Variants in ZNF217 observed in about 807,000 individuals in gnomAD.
ZNF217 encodes zinc finger protein 217.
ZNF217 carries 12 observed loss-of-function variants against 73.3 expected under a neutral mutation model. The observed-to-expected ratio is 0.16, with a 90% CI of 0.10 to 0.27. The LOEUF (loss-of-function observed/expected upper bound fraction) is 0.27. Among genes scored for constraint, ZNF217 ranks in the 10% least tolerant of loss-of-function variants. ZNF217 has a pLI of 1.00. For missense variants in ZNF217, 1,195 were observed against 1,327.8 expected (o/e 0.90, Z 1.55); for synonymous variants, 588 against 516.4 (o/e 1.14, Z -1.88).
intron 1 of ZNF217, among the ~76,000 whole-genome samples, chr20:53,586,026 C>A (rs1988680764): frequency 6.6e-6 from 1 of 151,812 alleles, no homozygotes; most frequent in South Asian, 2.1e-4. Context: ...GCACACCCTA[C>A]CCCCCCAAAG....
In ZNF217 at chr20:53,582,414, C is replaced by G. The variant is rs1988544588; in HGVS notation, c.413G>C (p.Arg138Thr). The stretch of plus-strand genomic sequence containing the variant: ...GTGGATCTCAACATCAAAAGCGACT[C>G]TAAATGTCTGCCCACATACCTCACA... Reference protein sequence around the residue: ...FSCEVCGQTFRVAFDVEIHMR... With the variant: ...FSCEVCGQTFTVAFDVEIHMR... Residue 138 changes from arginine to threonine, a missense_variant, in exon 2 of 6, where the codon AGA becomes ACA. Coordinates refer to ENST00000371471, the MANE Select transcript of ZNF217 (RefSeq NM_006526.3). The surrounding 1 kb of genome is among the most constrained non-coding windows in gnomAD (Gnocchi z 4.8). 1 of 1,614,178 alleles carries G rather than the reference C, an allele frequency of 6.2e-7. No homozygotes were observed. The highest frequency in any genetic ancestry group is 1.3e-5 in the African/African-American group (1 of 75,042).
At position 53,581,859 on chromosome 20, in the gene ZNF217, T is replaced by C; in HGVS notation, c.968A>G (p.Asp323Gly). The C allele has an allele frequency of 1.2e-6, 2 of 1,614,266 alleles. No individual in the cohort carries two copies. Among genetic ancestry groups the C allele is most frequent in the Non-Finnish European group, 1.7e-6 (2 of 1,180,044 alleles). ...CTTCTCGGAACTCGAATCGTCGTTG[T>C]CGGTGCTCCCTTCTTGCCCCGATTC... ...VKESGQEGSTDNDDSSSEKEL... is the reference protein window; with the variant it reads ...VKESGQEGSTGNDDSSSEKEL... The change falls in exon 2 of 6, where the codon GAC becomes GGC. Residue 323 changes from aspartate to glycine, a missense_variant. Physicochemically the swap from Asp to Gly is moderately conservative, Grantham distance 94. Around this residue, in one of 9 missense-constraint regions of ZNF217, gnomAD observed 102 missense variants for 91.9 expected, o/e 1.11. Transcript: ENST00000371471. The surrounding 1 kb of genome is among the most constrained non-coding windows in gnomAD (Gnocchi z 4.9).
At chr20:53,570,682 T>C (rs980723727) in intron 5 of ZNF217, among the ~76,000 whole-genome samples, 1 of 152,204 alleles carries the variant, frequency 6.6e-6, no homozygotes, top group Non-Finnish European at 1.5e-5. Flanking sequence ...CAGTGAGACC[T>C]TTAACATGTG....
intron 4 of ZNF217, chr20:53,575,168 T>G (rs1988200406): frequency 1.3e-5 from 2 of 152,094 alleles, no homozygotes; most frequent in African/African-American, 4.8e-5. Flanking sequence ...ACAAAGCAAA[T>G]CCCTGTCTCT....
chr20:53,577,387 C>T (rs573644328), intron 3 of ZNF217, 107 bp from the exon 4 acceptor site: 2 of 976,384 alleles, frequency 2.0e-6, no homozygotes, highest in Non-Finnish European at 3.0e-6. Flanking sequence ...TTTGCTTTCT[C>T]GATCTACTAT....
chr20:53,577,078 A>G lies in ZNF217; in HGVS notation c.1686T>C (p.Asp562=). 6.2e-7 allele frequency: 1 copy of G among 1,614,244 alleles called. No homozygotes were observed. Among genetic ancestry groups the G allele is most frequent in the Non-Finnish European group, 8.5e-7 (1 of 1,180,044 alleles). ...GACTGCCTGTAACATCTTTGGCACC[A>G]TCAAAAAATCTTTTCAAATTTTTGG... ...AQTKNLKRFF[D]GAKDVTGSPP... Residue 562 remains aspartate, a synonymous_variant, in exon 4 of 6, where the codon GAT becomes GAC. Coordinates refer to ENST00000371471, the MANE Select transcript of ZNF217 (RefSeq NM_006526.3).
At chr20:53,572,489 G>A (rs1279646107) in intron 4 of ZNF217, among the ~76,000 whole-genome samples, 2 of 151,882 alleles carry the variant, frequency 1.3e-5, no homozygotes, top group East Asian at 3.9e-4. Context: ...TAAAGACAAA[G>A]TTTTGATTCA....
chr20:53,578,788 G>A (rs778428393), intron 2 of ZNF217, among the ~76,000 whole-genome samples: 1 of 152,190 alleles, frequency 6.6e-6, no homozygotes, highest in Non-Finnish European at 1.5e-5. Context: ...TCTCTGAGCA[G>A]GCAGGATCTG....
rs1226437445 is a variant in ZNF217 at position 53,576,137 on chromosome 20, C to T, written c.2627G>A (p.Ser876Asn). The change falls in exon 4 of 6, where the codon AGT (serine) becomes AAT (asparagine). Residue 876 changes from serine (S) to asparagine (N), a missense_variant. This residue lies in a region of ZNF217 where 649 missense variants were observed against 642.8 expected (regional missense o/e 1.01). Transcript: ENST00000371471. ...GTAGTCGATGGAACCATTGATGTTA[C>T]TGCTGCCGAGGGTGGGCTGAGAAGG... ...VAPSQPTLGSSNINGSIDYPA... is the reference protein window; with the variant it reads ...VAPSQPTLGSNNINGSIDYPA... 6.2e-7 allele frequency: 1 copy of T among 1,614,232 alleles called. No homozygotes were observed. The highest frequency in any genetic ancestry group is 1.7e-5 in the Admixed American group (1 of 60,020).
upstream of ZNF217, among the ~76,000 whole-genome samples, chr20:53,596,970 C>T (rs1464993341): frequency 6.6e-6 from 1 of 151,602 alleles, no homozygotes; most frequent in African/African-American, 2.4e-5. Context: ...CTTATAAAAT[C>T]ACACCATTAT....
Position 53,568,380 on chromosome 20 carries a change from C to A in ZNF217, c.*908G>T, listed in dbSNP as rs1376243589. 6.6e-6 allele frequency: 1 copy of A among 152,104 alleles called. No homozygotes were observed. Among genetic ancestry groups the A allele is most frequent in the Non-Finnish European group, 1.5e-5 (1 of 68,022 alleles). 9.4% of individuals were successfully genotyped at this position (152,104 alleles called of 1,614,324 possible). ...AGGCAAAACCCCCCCGCCACTGAAT[C>A]GTCCAACAAAAATGATTAATTTGAC... On this transcript the variant is annotated 3_prime_UTR_variant, in exon 6 of 6. Coordinates refer to ENST00000371471, the MANE Select transcript of ZNF217 (RefSeq NM_006526.3).
chr20:53,586,041 G>C (rs1344514486), intron 1 of ZNF217, among the ~76,000 whole-genome samples: 3 of 152,076 alleles, frequency 2.0e-5, no homozygotes, highest in Non-Finnish European at 4.4e-5. Flanking sequence ...CCAAAGTATT[G>C]TGACAGCTCA....
upstream of ZNF217, among the ~76,000 whole-genome samples, chr20:53,595,950 C>T (rs1258537823): frequency 1.3e-5 from 2 of 152,114 alleles, no homozygotes; most frequent in African/African-American, 2.4e-5. Context: ...CTTTGAACTC[C>T]GAGACCTTGA....
chr20:53,578,050 T>C (rs1357798307), intron 3 of ZNF217, among the ~76,000 whole-genome samples: 1 of 152,082 alleles, frequency 6.6e-6, no homozygotes, highest in African/African-American at 2.4e-5. Flanking sequence ...AGGTGGAGGC[T>C]GCAGTGAGCC....
rs1225065981 is a variant in ZNF217 at position 53,582,150 on chromosome 20, G to A, written c.677C>T (p.Pro226Leu). The A allele has an allele frequency of 3.1e-6, 5 of 1,614,010 alleles. No individual in the cohort carries two copies. Among genetic ancestry groups the A allele is most frequent in the African/African-American group, 2.7e-5 (2 of 74,916 alleles). The stretch of plus-strand genomic sequence containing the variant: ...GTGCTCAATTAGACTTTCTTTATTT[G>A]GAAATAGGAAGCCACAAACCATGCA... ...KICMVCGFLF[P>L]NKESLIEHRK... The change falls in exon 2 of 6, where the codon CCA (proline) becomes CTA (leucine). Residue 226 changes from proline to leucine, a missense_variant. By Grantham distance (98) the Pro-to-Leu change is moderately conservative (BLOSUM62 -3). Transcript: ENST00000371471. The surrounding 1 kb of genome is among the most constrained non-coding windows in gnomAD (Gnocchi z 4.8).
At chr20:53,579,569 C>T (rs1264239893) in intron 2 of ZNF217, among the ~76,000 whole-genome samples, 5 of 152,110 alleles carry the variant, frequency 3.3e-5, no homozygotes, top group African/African-American at 4.8e-5. Flanking sequence ...TTGCAATTTC[C>T]GACTCCCAAC....
Position 53,568,861 on chromosome 20 carries a change from T to G in ZNF217, c.*427A>C, listed in dbSNP as rs1987858956. The G allele has an allele frequency of 1.2e-5, 2 of 168,956 alleles. No homozygotes were observed. Among genetic ancestry groups the G allele is most frequent in the Admixed American group, 1.3e-4 (2 of 15,608 alleles). The allele number at this position is 168,956 out of a possible 1,614,324, so 10.5% of individuals were successfully genotyped here. On this transcript the variant is annotated 3_prime_UTR_variant, in exon 6 of 6. Coordinates refer to ENST00000371471, the MANE Select transcript of ZNF217 (RefSeq NM_006526.3). ...ACACACAGTATTTGAACAAGCAGGT[T>G]TACAACTTAGATATTTACAGATTTT...
At chr20:53,579,277 A>G (rs1368857958) in intron 2 of ZNF217, among the ~76,000 whole-genome samples, 2 of 152,164 alleles carry the variant, frequency 1.3e-5, no homozygotes, top group Non-Finnish European at 2.9e-5. Context: ...CCCAAAACAC[A>G]TGAATGTTTA....
intron 2 of ZNF217, 44 bp from the exon 3 acceptor site, chr20:53,578,494 G>A (rs202027133): frequency 1.6e-6 from 2 of 1,259,340 alleles, no homozygotes; most frequent in African/African-American, 3.1e-5. Context: ...GGTAGCTGAA[G>A]TACCTGAATA....
Sources: allele counts gnomAD v4.1 joint callset (sites outside exome capture counted in the v4.1 genomes callset), GRCh38; gene constraint gnomAD v4.1.1; regional missense constraint gnomAD v4.1.1; non-coding constraint Gnocchi (gnomAD v3.1); transcripts MANE v1.5; gene names NCBI Gene and HGNC (gene_info 2026-07-23, HGNC 2026-07-21).